Variants in TBC1D4 observed in about 807,000 individuals in gnomAD.
TBC1D4 encodes TBC1 domain family member 4.
Under a neutral mutation model 142.5 loss-of-function variants are expected in TBC1D4, and 121 were observed. The ratio of observed to expected loss-of-function variants is 0.85; its 90% CI spans 0.73 to 0.99. The LOEUF (loss-of-function observed/expected upper bound fraction) is 0.99. TBC1D4 is among the 50% of genes least tolerant of loss of function. TBC1D4 has a pLI of 0.00. For synonymous variants in TBC1D4, 630 were observed against 628.2 expected (o/e 1.00, Z -0.04); for missense variants, 1,475 against 1,606.6 (o/e 0.92, Z 1.40).
chr13:75,297,062 T>C (rs543748431), intron 17 of TBC1D4, among the ~76,000 whole-genome samples: 2 of 152,310 alleles, frequency 1.3e-5, no homozygotes, highest in Non-Finnish European at 2.9e-5. Flanking sequence ...AAAAGTGTTA[T>C]ATCTCACTTT....
At chr13:75,392,381 T>G (rs1405274736) in intron 1 of TBC1D4, among the ~76,000 whole-genome samples, 1 of 152,114 alleles carries the variant, frequency 6.6e-6, no homozygotes, top group Non-Finnish European at 1.5e-5. Context: ...TATATTTCAT[T>G]TATTCTCTAG....
chr13:75,458,497 C>T (rs921847629), intron 1 of TBC1D4, among the ~76,000 whole-genome samples: 2 of 152,160 alleles, frequency 1.3e-5, no homozygotes, highest in African/African-American at 4.8e-5. Context: ...AACAGGAATG[C>T]CTGTTCCCAT....
intron 16 of TBC1D4, 114 bp from the exon 17 acceptor site, chr13:75,299,688 G>A: frequency 7.5e-7 from 1 of 1,336,854 alleles, no homozygotes; most frequent in Non-Finnish European, 1.0e-6. Flanking sequence ...TCCCAAACCA[G>A]TGAGAGTTGC....
At chr13:75,445,470 T>C (rs999829482) in intron 1 of TBC1D4, among the ~76,000 whole-genome samples, 2 of 152,216 alleles carry the variant, frequency 1.3e-5, no homozygotes, top group African/African-American at 2.4e-5. Flanking sequence ...TCTATTGTTG[T>C]ATTTTCCTCA....
At chr13:75,402,339 C>CG (rs1885133058) in intron 1 of TBC1D4, among the ~76,000 whole-genome samples, 1 of 152,094 alleles carries the variant, frequency 6.6e-6, no homozygotes, top group Admixed American at 6.6e-5. Flanking sequence ...CCCATCTCCC[C>CG]GGGGATACAC....
intron 1 of TBC1D4, among the ~76,000 whole-genome samples, chr13:75,372,430 C>T (rs1174085059): frequency 1.3e-5 from 2 of 151,958 alleles, no homozygotes; most frequent in African/African-American, 2.4e-5. Flanking sequence ...CCAGGATGCC[C>T]GGCTAATTTT....
At chr13:75,309,906 T>C (rs775954740) in intron 14 of TBC1D4, 36 bp downstream of exon 14, 21 of 1,607,274 alleles carry the variant, frequency 1.3e-5, no homozygotes, top group South Asian at 1.1e-4. Flanking sequence ...CCTTCAATCA[T>C]AGCATCATAG....
intron 1 of TBC1D4, among the ~76,000 whole-genome samples, chr13:75,383,981 C>T (rs996918180): frequency 6.6e-6 from 1 of 151,914 alleles, no homozygotes; most frequent in South Asian, 2.1e-4. Flanking sequence ...AACTTATCTC[C>T]GAGGAAGGGG....
At chr13:75,383,671 A>G (rs561895160) in intron 1 of TBC1D4, among the ~76,000 whole-genome samples, 1 of 152,130 alleles carries the variant, frequency 6.6e-6, no homozygotes, top group Non-Finnish European at 1.5e-5. Flanking sequence ...TGGGCCTATT[A>G]AACTTTACCA....
intron 7 of TBC1D4, among the ~76,000 whole-genome samples, chr13:75,337,785 C>T (rs1365178277): frequency 1.3e-5 from 2 of 152,106 alleles, no homozygotes; most frequent in East Asian, 3.9e-4. Context: ...TTCAGACAGG[C>T]GGGAAGAAAG....
chr13:75,340,877 C>T (rs758739597), intron 7 of TBC1D4, among the ~76,000 whole-genome samples: 2 of 151,986 alleles, frequency 1.3e-5, no homozygotes, highest in Non-Finnish European at 2.9e-5. Flanking sequence ...ACCCGGGAGG[C>T]GGAGGTTGCA....
At position 75,283,864 on chromosome 13, in the gene TBC1D4, C is replaced by T. The variant is rs1421153615; in HGVS notation, c.*2928G>A. Among the ~76,000 whole-genome samples, 1 of 152,104 alleles carries T rather than the reference C, an allele frequency of 6.6e-6. No individual in the cohort carries two copies. The highest frequency in any genetic ancestry group is 2.4e-5 in the African/African-American group (1 of 41,426). The stretch of plus-strand genomic sequence containing the variant: ...TTTGTGTAGCAATTTTAAGTAGGTA[C>T]AATCCAAACCATGCAGATCTTTTTT... On this transcript the variant is annotated 3_prime_UTR_variant, in exon 21 of 21. Coordinates refer to ENST00000377636, the MANE Select transcript of TBC1D4 (RefSeq NM_014832.5).
chr13:75,302,988 TAGAG>T (rs1178305144), intron 15 of TBC1D4, among the ~76,000 whole-genome samples: 2 of 152,180 alleles, frequency 1.3e-5, no homozygotes, highest in Non-Finnish European at 2.9e-5. Context: ...AACTTTATAA[TAGAG>T]AATCAAATAG....
intron 1 of TBC1D4, among the ~76,000 whole-genome samples, chr13:75,409,463 A>G (rs1224904594): frequency 2.6e-5 from 4 of 152,224 alleles, no homozygotes; most frequent in African/African-American, 9.6e-5. Context: ...CCCATTTCAA[A>G]TCAAACATTC....
intron 8 of TBC1D4, 100 bp downstream of exon 8, chr13:75,336,821 G>A: frequency 7.5e-7 from 1 of 1,337,942 alleles, no homozygotes; most frequent in Non-Finnish European, 1.0e-6. Context: ...TTTTTTGTTT[G>A]TTTTTTGTTT....
rs899488066 is a variant in TBC1D4 at position 75,330,401 on chromosome 13, A to G, written c.1732-2575T>C. Among the ~76,000 whole-genome samples, 2 of 152,240 alleles carry G rather than the reference A, an allele frequency of 1.3e-5. 1 individual carries two copies. The highest frequency in any genetic ancestry group is 4.1e-4 in the South Asian group (2 of 4,838). On this transcript the variant is annotated intron_variant, in intron 8 of 20. Transcript: ENST00000377636. ...TTACTATAGGATAACTAAAACAATA[A>G]TAAAATTAATAGCTGCACCTAATAT...
chr13:75,338,006 G>C (rs192539268), intron 7 of TBC1D4, among the ~76,000 whole-genome samples: 67 of 152,272 alleles, frequency 4.4e-4, no homozygotes, highest in African/African-American at 1.6e-3. Context: ...ATAAAACCTT[G>C]AATGTTCTTA....
intron 1 of TBC1D4, among the ~76,000 whole-genome samples, chr13:75,435,345 T>C (rs1417350525): frequency 2.7e-4 from 38 of 143,282 alleles, no homozygotes; most frequent in African/African-American, 9.7e-4. Context: ...AAAAAATACA[T>C]AATTACGACT....
intron 1 of TBC1D4, among the ~76,000 whole-genome samples, chr13:75,459,662 AATT>A (rs767009601): frequency 2.0e-4 from 31 of 152,242 alleles, no homozygotes; most frequent in Admixed American, 1.0e-3. Context: ...CACTGTCTTT[AATT>A]ATTTAACATT....
Sources: allele counts gnomAD v4.1 joint callset (sites outside exome capture counted in the v4.1 genomes callset), GRCh38; gene constraint gnomAD v4.1.1; transcripts MANE v1.5; gene names NCBI Gene and HGNC (gene_info 2026-07-23, HGNC 2026-07-21).